The following CDC42SE2 variants were observed in gnomAD, a reference collection of about 807,000 sequenced individuals.
The protein encoded by CDC42SE2 is CDC42 small effector protein 2.
A neutral mutation model predicts 11.5 loss-of-function variants in CDC42SE2; 3 were observed. The ratio of observed to expected loss-of-function variants is 0.26; its 90% CI spans 0.12 to 0.67. CDC42SE2 has a LOEUF of 0.67. Among genes scored for constraint, CDC42SE2 ranks in the 30% least tolerant of loss-of-function variants. CDC42SE2 has a pLI of 0.80. For missense variants in CDC42SE2, 82 were observed against 106.8 expected (o/e 0.77, Z 1.02); for synonymous variants, 33 against 34.8 (o/e 0.95, Z 0.18).
At chr5:131,258,461 C>CA (rs1489066774) in intron 2 of CDC42SE2, among the ~76,000 whole-genome samples, 1 of 152,082 alleles carries the variant, frequency 6.6e-6, no homozygotes, top group Non-Finnish European at 1.5e-5. Context: ...AGAGTGACCC[C>CA]AAAGGCTCCC....
At chr5:131,229,247 T>G in the CDC42SE2 span, among the ~76,000 whole-genome samples, 1 of 152,128 alleles carries the variant, frequency 6.6e-6, no homozygotes, top group Non-Finnish European at 1.5e-5. Context: ...ACTCATGGAC[T>G]TAAGTGATCC....
At chr5:131,277,819 A>G (rs1285541209) in intron 1 of CDC42SE2, among the ~76,000 whole-genome samples, 1 of 152,142 alleles carries the variant, frequency 6.6e-6, no homozygotes, top group Non-Finnish European at 1.5e-5. Context: ...TAATTTCTTC[A>G]TGCCATTTGT....
intron 1 of CDC42SE2, among the ~76,000 whole-genome samples, chr5:131,272,202 A>T (rs1236947967): frequency 2.0e-5 from 3 of 151,452 alleles, no homozygotes; most frequent in Admixed American, 2.0e-4. Flanking sequence ...TTTAATAGAG[A>T]CAGGGTTTCA....
intron 2 of CDC42SE2, among the ~76,000 whole-genome samples, chr5:131,351,769 G>A (rs888983640): frequency 6.6e-6 from 1 of 152,200 alleles, no homozygotes; most frequent in South Asian, 2.1e-4. Context: ...TTTGGGATAT[G>A]TGAAAGAATT....
chr5:131,284,620 G>A (rs1757304113), intron 1 of CDC42SE2, among the ~76,000 whole-genome samples: 1 of 152,044 alleles, frequency 6.6e-6, no homozygotes, highest in Non-Finnish European at 1.5e-5. Flanking sequence ...ACAGGCACAT[G>A]TCATCATGCC....
chr5:131,240,608 C>T (rs1756532959), upstream of CDC42SE2, among the ~76,000 whole-genome samples: 1 of 152,200 alleles, frequency 6.6e-6, no homozygotes, highest in Non-Finnish European at 1.5e-5. Flanking sequence ...TGACCTACAC[C>T]TTTGTTCACC....
chr5:131,336,161 CTGG>C (rs1378058804), intron 2 of CDC42SE2, among the ~76,000 whole-genome samples: 2 of 152,160 alleles, frequency 1.3e-5, no homozygotes, highest in Non-Finnish European at 2.9e-5. Flanking sequence ...TAGGGCAGGC[CTGG>C]TGGTGACAAA....
At chr5:131,370,189 A>G (rs1749976567) in intron 3 of CDC42SE2, among the ~76,000 whole-genome samples, 1 of 152,212 alleles carries the variant, frequency 6.6e-6, no homozygotes, top group Non-Finnish European at 1.5e-5. Flanking sequence ...GGAGCTCTGG[A>G]GTTCAGAAAA....
rs1424437291 is a variant in CDC42SE2 at position 131,393,189 on chromosome 5, T to G, written c.*2098T>G. Reference sequence around the variant, plus strand: ...ACAAATGGGGCTTAATTAAAAACTTTAACTTGGAATAAAGGAACAGGGATC... The same window carrying G: ...ACAAATGGGGCTTAATTAAAAACTTGAACTTGGAATAAAGGAACAGGGATC... On this transcript the variant is annotated 3_prime_UTR_variant, in exon 5 of 5. Transcript: ENST00000505065. 1 of 152,376 alleles carries G rather than the reference T, an allele frequency of 6.6e-6. No homozygotes were observed. Among genetic ancestry groups the G allele is most frequent in the Non-Finnish European group, 1.5e-5 (1 of 68,044 alleles). The allele number at this position is 152,376 out of a possible 1,614,324, so 9.4% of individuals were successfully genotyped here. A position where few individuals can be genotyped will look rare whatever the true frequency, so the allele number is the denominator to read the frequency against.
intron 2 of CDC42SE2, among the ~76,000 whole-genome samples, chr5:131,257,959 G>A (rs1490120905): frequency 6.6e-6 from 1 of 152,080 alleles, no homozygotes; most frequent in African/African-American, 2.4e-5. Flanking sequence ...GTGCTAAGGG[G>A]CTTCCTCAAG....
chr5:131,311,360 C>G (rs1757909086), intron 1 of CDC42SE2, among the ~76,000 whole-genome samples: 1 of 152,110 alleles, frequency 6.6e-6, no homozygotes, highest in Non-Finnish European at 1.5e-5. Flanking sequence ...ACTTTTCTCT[C>G]TGGCTGCCCT....
the CDC42SE2 span, among the ~76,000 whole-genome samples, chr5:131,220,426 C>T: frequency 6.6e-6 from 1 of 152,070 alleles, no homozygotes; most frequent in Non-Finnish European, 1.5e-5. Context: ...AGGATGGTCT[C>T]GATCTCCTGA....
intron 1 of CDC42SE2, among the ~76,000 whole-genome samples, chr5:131,296,686 G>A (rs12109957): frequency 0.19 from 28,183 of 152,076 alleles, 6,754 homozygotes; most frequent in African/African-American, 0.56. Flanking sequence ...CATCTGCAAC[G>A]TAAGGTCACA....
chr5:131,375,653 TA>T (rs1353051325), intron 3 of CDC42SE2, among the ~76,000 whole-genome samples: 1 of 152,192 alleles, frequency 6.6e-6, no homozygotes, highest in Non-Finnish European at 1.5e-5. Flanking sequence ...GAAGATACAG[TA>T]CAAGTTCATG....
At chr5:131,293,011 T>C (rs765110938) in intron 1 of CDC42SE2, among the ~76,000 whole-genome samples, 7 of 151,972 alleles carry the variant, frequency 4.6e-5, no homozygotes, top group Non-Finnish European at 8.8e-5. Flanking sequence ...TAGAGATATT[T>C]TGATAATACT....
chr5:131,257,476 T>C (rs1219712128), intron 2 of CDC42SE2, among the ~76,000 whole-genome samples: 2 of 146,594 alleles, frequency 1.4e-5, no homozygotes, highest in Non-Finnish European at 3.0e-5. Context: ...TTCCACTTGC[T>C]AATTTTTTTT....
chr5:131,359,602 G>T (rs890168773), intron 3 of CDC42SE2, 55 bp downstream of exon 3: 3 of 1,309,172 alleles, frequency 2.3e-6, no homozygotes, highest in African/African-American at 1.5e-5. Flanking sequence ...ACTTTCCACT[G>T]GTTCTCAAAC....
intron 2 of CDC42SE2, among the ~76,000 whole-genome samples, chr5:131,331,616 T>C (rs1041313524): frequency 5.9e-5 from 9 of 152,222 alleles, no homozygotes; most frequent in South Asian, 4.1e-4. Context: ...GTTGGACTTT[T>C]CTTTATAATC....
intron 1 of CDC42SE2, among the ~76,000 whole-genome samples, chr5:131,272,293 T>C (rs1286659241): frequency 6.6e-6 from 1 of 152,052 alleles, no homozygotes; most frequent in Non-Finnish European, 1.5e-5. Flanking sequence ...AATACTGAGA[T>C]TACAAGCGTG....
Sources: allele counts gnomAD v4.1 joint callset (sites outside exome capture counted in the v4.1 genomes callset), GRCh38; gene constraint gnomAD v4.1.1; transcripts MANE v1.5; gene names NCBI Gene and HGNC (gene_info 2026-07-23, HGNC 2026-07-21).